Variants in DCC observed in about 807,000 individuals in gnomAD.
The protein encoded by DCC is DCC netrin 1 receptor, also known as netrin receptor DCC.
In DCC, 58 loss-of-function variants were observed where a neutral mutation model predicts 172.5. The observed-to-expected ratio is 0.34, with a 90% CI of 0.27 to 0.42. DCC has a LOEUF of 0.42. Ranked by LOEUF, DCC falls within the 10% of genes least tolerant of loss-of-function variation. The pLI is 1.00. For synonymous variants in DCC, 709 were observed against 644.5 expected (o/e 1.10, Z -1.52); for missense variants, 1,740 against 1,791.0 (o/e 0.97, Z 0.51).
At chr18:52,697,996 G>A (rs926083844) in intron 1 of DCC, among the ~76,000 whole-genome samples, 1 of 152,134 alleles carries the variant, frequency 6.6e-6, no homozygotes, top group Non-Finnish European at 1.5e-5. Context: ...TCAGCTCTGT[G>A]AAACTGAATC....
chr18:52,697,948 T>C (rs1280695747), intron 1 of DCC, among the ~76,000 whole-genome samples: 5 of 152,174 alleles, frequency 3.3e-5, no homozygotes, highest in African/African-American at 7.2e-5. Context: ...GTGTTTTAAT[T>C]TGAATTCACA....
chr18:52,684,191 G>C (rs1353782828), intron 1 of DCC, among the ~76,000 whole-genome samples: 1 of 152,026 alleles, frequency 6.6e-6, no homozygotes, highest in Non-Finnish European at 1.5e-5. Flanking sequence ...TTGTGGTGAG[G>C]TTATATTCTG....
rs77559512 is a variant in DCC, at chr18:52,462,506, C to T, written c.91+121628C>T. Reference sequence around the variant, plus strand: ...TCTTTTTGCCCACAATGCTCCTTCCCCTCATATTGCCTCACAGTGCAATAT... The same window carrying T: ...TCTTTTTGCCCACAATGCTCCTTCCTCTCATATTGCCTCACAGTGCAATAT... On this transcript the variant is annotated intron_variant, in intron 1 of 28. Coordinates refer to ENST00000442544, the MANE Select transcript of DCC (RefSeq NM_005215.4). Among the ~76,000 whole-genome samples, 564 of 152,270 alleles carry T rather than the reference C, an allele frequency of 3.7e-3. 4 individuals are homozygous for T. Among genetic ancestry groups the T allele is most frequent in the African/African-American group, 0.013 (538 of 41,544 alleles).
chr18:52,624,468 A>C (rs1367081616), intron 1 of DCC, among the ~76,000 whole-genome samples: 1 of 152,116 alleles, frequency 6.6e-6, no homozygotes, highest in Non-Finnish European at 1.5e-5. Flanking sequence ...TATTTTTCGC[A>C]CTTAAACTTC....
intron 2 of DCC, among the ~76,000 whole-genome samples, chr18:52,894,986 C>A (rs1161219509): frequency 2.0e-5 from 3 of 152,184 alleles, no homozygotes; most frequent in African/African-American, 7.2e-5. Context: ...TTAGTCACCA[C>A]ACTGACTGAC....
At chr18:52,725,357 G>C (rs2036535768) in intron 1 of DCC, among the ~76,000 whole-genome samples, 1 of 152,190 alleles carries the variant, frequency 6.6e-6, no homozygotes, top group African/African-American at 2.4e-5. Context: ...AAAAATTAGA[G>C]AATAACAAGT....
At chr18:53,407,861 C>T (rs1259944029) in intron 19 of DCC, among the ~76,000 whole-genome samples, 1 of 151,916 alleles carries the variant, frequency 6.6e-6, no homozygotes, top group African/African-American at 2.4e-5. Flanking sequence ...GGCTGAATTA[C>T]AAAGGGATGG....
At chr18:53,386,923 A>G (rs1271600859) in intron 16 of DCC, among the ~76,000 whole-genome samples, 1 of 152,202 alleles carries the variant, frequency 6.6e-6, no homozygotes. Flanking sequence ...TCACTTGACT[A>G]CTTCCCCAAA....
chr18:52,692,683 T>C (rs58297911), intron 1 of DCC, among the ~76,000 whole-genome samples: 62,861 of 151,966 alleles, frequency 0.41, 13,286 homozygotes, highest in Non-Finnish European at 0.47. Flanking sequence ...CCTCCTGCCT[T>C]GGTCTCCCAA....
intron 13 of DCC, among the ~76,000 whole-genome samples, chr18:53,307,298 T>C (rs1246924877): frequency 1.3e-5 from 2 of 152,184 alleles, no homozygotes; most frequent in African/African-American, 4.8e-5. Context: ...ATATCCTATG[T>C]TTTTCTTTTT....
At chr18:52,790,258 TCCTGGGTCTGCATCCTAG>T (rs1356883550) in intron 2 of DCC, among the ~76,000 whole-genome samples, 6 of 152,192 alleles carry the variant, frequency 3.9e-5, no homozygotes, top group Non-Finnish European at 8.8e-5. Flanking sequence ...GCTTATGGGA[TCCTGGGTCTGCATCCTAG>T]CCTAACATAT....
intron 1 of DCC, among the ~76,000 whole-genome samples, chr18:52,416,293 G>T (rs191064819): frequency 6.6e-6 from 1 of 151,790 alleles, no homozygotes; most frequent in Non-Finnish European, 1.5e-5. Context: ...TTACTTCCAA[G>T]TATGTGGTCA....
At chr18:52,585,693 G>A (rs950786576) in intron 1 of DCC, among the ~76,000 whole-genome samples, 19 of 152,184 alleles carry the variant, frequency 1.2e-4, no homozygotes, top group African/African-American at 4.8e-5. Context: ...AATAATTAAA[G>A]TCAAAAATAG....
intron 20 of DCC, among the ~76,000 whole-genome samples, chr18:53,411,268 C>T (rs1909973491): frequency 6.6e-6 from 1 of 151,908 alleles, no homozygotes; most frequent in Non-Finnish European, 1.5e-5. Context: ...TTCTGGGGGA[C>T]AAATGGTTTG....
intron 1 of DCC, among the ~76,000 whole-genome samples, chr18:52,462,684 CTGTT>C (rs1811154953): frequency 6.6e-6 from 1 of 152,066 alleles, no homozygotes; most frequent in Admixed American, 6.6e-5. Flanking sequence ...CATACACCGT[CTGTT>C]TGTTTATGTA....
At chr18:53,173,129 G>A (rs73461507) in intron 8 of DCC, among the ~76,000 whole-genome samples, 3,550 of 152,162 alleles carry the variant, frequency 0.023, 50 homozygotes, top group Middle Eastern at 0.027. Flanking sequence ...CTTTTAAAAA[G>A]CAATTTGCTG....
chr18:53,125,450 C>T (rs1434720760), intron 7 of DCC, among the ~76,000 whole-genome samples: 1 of 152,042 alleles, frequency 6.6e-6, no homozygotes, highest in Non-Finnish European at 1.5e-5. Context: ...GCATGGTGCT[C>T]TCTCACCACA....
chr18:52,810,499 A>G (rs2038175329), intron 2 of DCC, among the ~76,000 whole-genome samples: 1 of 152,220 alleles, frequency 6.6e-6, no homozygotes. Flanking sequence ...AGGAGGGCAA[A>G]GAAGAATTTT....
intron 1 of DCC, among the ~76,000 whole-genome samples, chr18:52,653,946 G>A (rs536179804): frequency 6.6e-6 from 1 of 151,908 alleles, no homozygotes; most frequent in Non-Finnish European, 1.5e-5. Flanking sequence ...TTCTTTCTTG[G>A]TGATCAAATC....
Sources: gnomAD v4.1 joint callset for allele counts (sites outside exome capture counted in the v4.1 genomes callset) on GRCh38, gnomAD v4.1.1 for gene constraint, MANE v1.5 for transcripts, NCBI Gene and HGNC (gene_info 2026-07-23, HGNC 2026-07-21) for gene names.